The following BMPR1B variants were observed in gnomAD, a reference collection of about 807,000 sequenced individuals.
The protein encoded by BMPR1B is bone morphogenetic protein receptor type-1B.
In BMPR1B, 12 loss-of-function variants were observed where a neutral mutation model predicts 59.1. The observed-to-expected ratio is 0.20, with a 90% confidence interval of 0.13 to 0.33. The LOEUF is 0.33. Ranked by LOEUF, BMPR1B falls within the 10% of genes least tolerant of loss-of-function variation. The pLI is 1.00. For missense variants in BMPR1B, 550 were observed against 610.9 expected, an observed-to-expected ratio of 0.90 and a Z score of 1.05; for synonymous variants, 237 against 207.3, an observed-to-expected ratio of 1.14 and a Z score of -1.23.
intron 1 of BMPR1B, among the ~76,000 whole-genome samples, chr4:94,824,863 T>G (rs1252526994): frequency 6.6e-6 from 1 of 152,198 alleles, no homozygotes; most frequent in Non-Finnish European, 1.5e-5. Flanking sequence ...GTTTTTGTGT[T>G]TTACAAAATT....
rs374479478 is a variant in BMPR1B at position 94,893,056 on chromosome 4, TAAGAA to T, written c.-113+17157_-113+17161del. On this transcript the variant is annotated intron_variant, in intron 2 of 12. Coordinates refer to ENST00000515059, the MANE Select transcript of BMPR1B (RefSeq NM_001203.3). The stretch of plus-strand genomic sequence containing the variant: ...ACATTTAAATTGTTGTTAATGATTA[TAAGAA>T]CAATTTTAGGTTTTTTTTGGTATAG... Among the ~76,000 whole-genome samples the T allele has an allele frequency of 2.4e-4, 36 of 152,156 alleles. No individual in the cohort carries two copies. In the East Asian group the frequency reaches 4.8e-3, roughly 20 times the overall value.
chr4:94,947,327 C>G (rs1053263079), intron 2 of BMPR1B, among the ~76,000 whole-genome samples: 3 of 152,050 alleles, frequency 2.0e-5, no homozygotes, highest in African/African-American at 7.2e-5. Flanking sequence ...GGCTTAACAC[C>G]CTTTACATGT....
intron 7 of BMPR1B, among the ~76,000 whole-genome samples, chr4:95,124,636 A>C (rs1732772744): frequency 6.6e-6 from 1 of 151,954 alleles, no homozygotes; most frequent in Admixed American, 6.6e-5. Context: ...TTAATTAGGG[A>C]CCTTAGAAAA....
chr4:94,901,015 C>G (rs1451932860), intron 2 of BMPR1B, among the ~76,000 whole-genome samples: 1 of 151,936 alleles, frequency 6.6e-6, no homozygotes, highest in African/African-American at 2.4e-5. Context: ...CTGATGGTTC[C>G]AACCCTGGAA....
chr4:94,844,105 T>C (rs570133407), intron 1 of BMPR1B, among the ~76,000 whole-genome samples: 1 of 152,308 alleles, frequency 6.6e-6, no homozygotes, highest in Admixed American at 6.5e-5. Context: ...ATGGGGACCA[T>C]AGCTGATAAT....
At chr4:95,064,329 A>T (rs1416501205) in intron 3 of BMPR1B, among the ~76,000 whole-genome samples, 1 of 152,198 alleles carries the variant, frequency 6.6e-6, no homozygotes, top group Non-Finnish European at 1.5e-5. Context: ...TTATCGCCTG[A>T]GTTGTGCCTC....
intron 2 of BMPR1B, among the ~76,000 whole-genome samples, chr4:94,923,179 T>A (rs1486541759): frequency 6.6e-6 from 1 of 152,154 alleles, no homozygotes; most frequent in Non-Finnish European, 1.5e-5. Context: ...TAGAATGTCC[T>A]TCTCTTCATT....
intron 2 of BMPR1B, among the ~76,000 whole-genome samples, chr4:94,881,777 CT>C (rs1256493076): frequency 6.6e-6 from 1 of 151,958 alleles, no homozygotes; most frequent in African/African-American, 2.4e-5. Context: ...ATATTTCGAC[CT>C]TTCTAGGCCT....
intron 8 of BMPR1B, among the ~76,000 whole-genome samples, chr4:95,128,466 A>G (rs752241903): frequency 6.6e-6 from 1 of 152,330 alleles, no homozygotes; most frequent in South Asian, 2.1e-4. Flanking sequence ...TCTTGGAACC[A>G]TTGATATCAG....
intron 1 of BMPR1B, among the ~76,000 whole-genome samples, chr4:94,786,632 G>A (rs1021295302): frequency 2.8e-4 from 42 of 152,166 alleles, no homozygotes; most frequent in Admixed American, 1.4e-3. Flanking sequence ...TCCGCCTCCC[G>A]GATTCACACC....
intron 5 of BMPR1B, among the ~76,000 whole-genome samples, chr4:95,115,336 A>G (rs1161580648): frequency 2.0e-5 from 3 of 152,152 alleles, no homozygotes; most frequent in African/African-American, 7.2e-5. Flanking sequence ...ATCAAATATT[A>G]TTTTTATTTT....
chr4:94,898,144 G>T (rs941818759), intron 2 of BMPR1B, among the ~76,000 whole-genome samples: 4 of 151,602 alleles, frequency 2.6e-5, no homozygotes, highest in African/African-American at 4.8e-5. Flanking sequence ...AGAGATGGGA[G>T]TCTCACTATG....
intron 1 of BMPR1B, among the ~76,000 whole-genome samples, chr4:94,858,823 G>C (rs2148954428): frequency 6.6e-6 from 1 of 152,240 alleles, no homozygotes; most frequent in East Asian, 1.9e-4. Flanking sequence ...ATACATCAAA[G>C]TGAAAGACAC....
intron 2 of BMPR1B, among the ~76,000 whole-genome samples, chr4:94,929,832 A>T (rs1182285611): frequency 2.6e-5 from 4 of 152,080 alleles, no homozygotes; most frequent in African/African-American, 9.6e-5. Flanking sequence ...TTCAAGCTTG[A>T]CACGTCCCAT....
At chr4:94,824,351 A>G (rs931025923) in intron 1 of BMPR1B, among the ~76,000 whole-genome samples, 8 of 152,198 alleles carry the variant, frequency 5.3e-5, no homozygotes, top group South Asian at 2.1e-4. Flanking sequence ...GTTCTGTGGT[A>G]GCACTTATTA....
chr4:95,084,485 T>C (rs1729418309), intron 3 of BMPR1B, among the ~76,000 whole-genome samples: 2 of 152,186 alleles, frequency 1.3e-5, no homozygotes, highest in South Asian at 4.1e-4. Context: ...GATGCCCTTT[T>C]CTCAAATTTT....
At chr4:94,891,805 A>T (rs1292759393) in intron 2 of BMPR1B, among the ~76,000 whole-genome samples, 2 of 152,076 alleles carry the variant, frequency 1.3e-5, no homozygotes, top group Non-Finnish European at 2.9e-5. Context: ...TAAAAACTTC[A>T]TGCTTTACAG....
At chr4:95,137,573 C>T (rs1227043592) in intron 10 of BMPR1B, among the ~76,000 whole-genome samples, 4 of 152,120 alleles carry the variant, frequency 2.6e-5, no homozygotes, top group African/African-American at 9.7e-5. Flanking sequence ...TAAGGACTCG[C>T]TTTATGCATC....
In BMPR1B at chr4:94,909,021, G is replaced by A. The variant is rs368655035; in HGVS notation, c.-113+33121G>A. Among the ~76,000 whole-genome samples, 29 of 152,166 alleles carry A rather than the reference G, an allele frequency of 1.9e-4. No individual in the cohort carries two copies. The South Asian group carries it at 4.4e-3, about 23-fold the overall frequency. ...AAGTGCTAGGAAAGAATCCTTTCTT[G>A]CCTTTTCCCAGCTTCTGGTAGCTCC... is the stretch of plus-strand genomic sequence containing the variant. On this transcript the variant is annotated intron_variant, in intron 2 of 12. Coordinates refer to ENST00000515059, the MANE Select transcript of BMPR1B (RefSeq NM_001203.3).
Sources: gnomAD v4.1 joint callset for allele counts (sites outside exome capture counted in the v4.1 genomes callset) on GRCh38, gnomAD v4.1.1 for gene constraint, MANE v1.5 for transcripts, NCBI Gene and HGNC (gene_info 2026-07-23, HGNC 2026-07-21) for gene names.